LAMB1: variants seen among roughly 807,000 people sequenced by gnomAD.
The protein encoded by LAMB1 is laminin subunit beta 1.
Under a neutral mutation model 222.3 loss-of-function variants are expected in LAMB1, and 121 were observed. That is an observed-to-expected ratio of 0.54 (90% CI 0.47 to 0.63). The LOEUF (loss-of-function observed/expected upper bound fraction) is 0.63. Ranked by LOEUF, LAMB1 falls within the 30% of genes least tolerant of loss-of-function variation. The pLI is 0.00. For missense variants in LAMB1, 2,172 were observed against 2,240.8 expected (o/e 0.97, Z 0.62); for synonymous variants, 794 against 807.2 (o/e 0.98, Z 0.28).
At chr7:107,935,346 T>C in intron 27 of LAMB1, 69 bp downstream of exon 27, 1 of 1,434,424 alleles carries the variant, frequency 7.0e-7, no homozygotes, top group South Asian at 1.3e-5. Flanking sequence ...TGTTTTTCTT[T>C]GTTTTTTTTT....
chr7:107,971,457 T>C (rs552071224), intron 13 of LAMB1, among the ~76,000 whole-genome samples: 1 of 152,228 alleles, frequency 6.6e-6, no homozygotes, highest in African/African-American at 2.4e-5. Context: ...GTGCTTCAGT[T>C]GACCCTGCCT....
At chr7:108,002,764 C>T in intron 2 of LAMB1, 85 bp downstream of exon 2, 1 of 1,581,774 alleles carries the variant, frequency 6.3e-7, no homozygotes, top group Non-Finnish European at 8.6e-7. Context: ...CCCCAGGATC[C>T]CACGAAGGTG....
chr7:107,961,213 A>T lies in LAMB1; in HGVS notation c.2102T>A (p.Ile701Asn). The change falls in exon 17 of 34, where the codon ATC (isoleucine) becomes AAC (asparagine). Residue 701 changes from isoleucine to asparagine, a missense_variant. Physicochemically the swap from Ile to Asn is moderately radical, Grantham distance 149. Transcript: ENST00000222399. ...AAGCAATCTCGCACTTACAGAATCG[A>T]TCAGCGTGTAGGGGCTCTCCACGTC... ...DSDVESPYTL[I>N]DSLVLMPYCK... 1 of 1,614,066 alleles carries T rather than the reference A, an allele frequency of 6.2e-7. No homozygotes were observed. Among genetic ancestry groups the T allele is most frequent in the Non-Finnish European group, 8.5e-7 (1 of 1,180,002 alleles).
chr7:107,934,793 T>C (rs2032799028), intron 27 of LAMB1, among the ~76,000 whole-genome samples: 1 of 151,518 alleles, frequency 6.6e-6, no homozygotes, highest in African/African-American at 2.4e-5. Context: ...AAGCTGGGTG[T>C]GGTGGCACAT....
At chr7:107,933,721 A>T (rs1375241525) in intron 27 of LAMB1, among the ~76,000 whole-genome samples, 1 of 152,226 alleles carries the variant, frequency 6.6e-6, no homozygotes, top group Non-Finnish European at 1.5e-5. Context: ...TAAAGAACTT[A>T]CAGAAAGAAT....
rs749097156 is a variant in LAMB1, at chr7:107,951,287, T to C, written c.3330A>G (p.Gly1110=). 2.5e-6 allele frequency: 4 copies of C among 1,613,972 alleles called. No individual in the cohort carries two copies. In the East Asian group the frequency reaches 8.9e-5, roughly 36 times the overall value. Residue 1110 remains glycine (G), a synonymous_variant, in exon 24 of 34, where the codon GGA becomes GGG. Coordinates refer to ENST00000222399, the MANE Select transcript of LAMB1 (RefSeq NM_002291.3). ...TGQCQCMPGF[G]GRTCSECQEL... ...CCTGGCACTCGCTGCAGGTGCGGCC[T>C]CCAAACCCAGGCATGCACTGGCACT...
At position 107,959,766 on chromosome 7, in the gene LAMB1, G is replaced by C. The variant is rs80095409; in HGVS notation, c.2383C>G (p.Arg795Gly). The change falls in exon 19 of 34, where the codon CGG becomes GGG. Residue 795 changes from arginine to glycine, a missense_variant. Transcript: ENST00000222399. ...CAGGTTCTTCCAACCACGTTGGGCC[G>C]GCACTGGCACTGGCCTCCGTTGGGA... ...CDPNGGQCQC[R>G]PNVVGRTCNR... 20,587 of 1,614,002 alleles carry C rather than the reference G, an allele frequency of 0.013. 165 individuals carry two copies. The highest frequency in any genetic ancestry group is 0.014 in the Non-Finnish European group (16,995 of 1,179,980).
chr7:107,992,515 A>C (rs1041498603), intron 5 of LAMB1, among the ~76,000 whole-genome samples: 4 of 152,218 alleles, frequency 2.6e-5, no homozygotes, highest in African/African-American at 4.8e-5. Flanking sequence ...TTTGTAGAGC[A>C]ATTACTATAT....
At chr7:107,965,942 C>CA (rs1163920832) in intron 13 of LAMB1, among the ~76,000 whole-genome samples, 3 of 151,656 alleles carry the variant, frequency 2.0e-5, no homozygotes, top group Non-Finnish European at 2.9e-5. Context: ...ACTGAAAATA[C>CA]AAAAAATTAG....
intron 24 of LAMB1, among the ~76,000 whole-genome samples, chr7:107,941,716 G>A (rs868358893): frequency 8.5e-4 from 128 of 150,158 alleles, no homozygotes; most frequent in African/African-American, 2.9e-3. Context: ...GTACAATGGC[G>A]CGATCTCGGC....
intron 27 of LAMB1, 83 bp from the exon 28 acceptor site, chr7:107,932,460 C>T: frequency 7.3e-7 from 1 of 1,376,920 alleles, no homozygotes. Flanking sequence ...CTGGGTGGCC[C>T]CAGAGAATGT....
intron 31 of LAMB1, among the ~76,000 whole-genome samples, chr7:107,928,351 T>C (rs1249036340): frequency 1.3e-5 from 2 of 152,246 alleles, no homozygotes; most frequent in Non-Finnish European, 2.9e-5. Context: ...CCAAAACTAC[T>C]ATATAGTAAA....
rs57060477 is a variant in LAMB1, at chr7:107,950,923, GGTGTGTGTGTGTGTGTGT to G, written c.3391+285_3391+302del. ...AAAAAGCAGCTCTGTGTGTATTTGT[GGTGTGTGTGTGTGTGTGT>G]GTGTGTGTGTGTGTGTGTGTGCTTA... On this transcript the variant is annotated intron_variant, in intron 24 of 33. Transcript: ENST00000222399. Among the ~76,000 whole-genome samples, 12 of 147,856 alleles carry G rather than the reference GGTGTGTGTGTGTGTGTGT, an allele frequency of 8.1e-5. No homozygotes were observed. The East Asian group carries it at 1.4e-3, about 17-fold the overall frequency.
intron 12 of LAMB1, among the ~76,000 whole-genome samples, chr7:107,973,319 A>G (rs1234053968): frequency 6.6e-6 from 1 of 152,194 alleles, no homozygotes; most frequent in South Asian, 2.1e-4. Context: ...TGCCCTATAG[A>G]TAACCTCCAT....
chr7:107,928,997 A>G lies in LAMB1; in HGVS notation c.4887+67T>C. 2.1e-6 allele frequency: 3 copies of G among 1,452,824 alleles called. No individual in the cohort carries two copies. In the South Asian group the frequency reaches 3.5e-5, roughly 17 times the overall value. 90.0% of individuals were successfully genotyped at this position (1,452,824 alleles called of 1,614,324 possible). ...TAAGAATTTCTGTTCATAGATAACA[A>G]ATGTACTTTTCTGGTAAGTGTATAT... On this transcript the variant is annotated intron_variant, in intron 31 of 33. Coordinates refer to ENST00000222399, the MANE Select transcript of LAMB1 (RefSeq NM_002291.3).
intron 29 of LAMB1, chr7:107,930,099 C>A: frequency 6.3e-6 from 1 of 157,924 alleles, no homozygotes; most frequent in Non-Finnish European, 1.4e-5. Flanking sequence ...CTTGTGAATG[C>A]AGATATGGAG....
chr7:107,990,279 A>AT (rs964526890), intron 5 of LAMB1, among the ~76,000 whole-genome samples: 21 of 152,068 alleles, frequency 1.4e-4, no homozygotes, highest in African/African-American at 3.9e-4. Context: ...AGCTCAAGCG[A>AT]TCCCCCCACC....
At chr7:107,931,254 A>T in intron 29 of LAMB1, 102 bp downstream of exon 29, 103 of 931,184 alleles carry the variant, frequency 1.1e-4, no homozygotes, top group Middle Eastern at 9.6e-4. Flanking sequence ...TCTTATTTGG[A>T]AATGTCACTT....
intron 31 of LAMB1, 43 bp downstream of exon 31, chr7:107,929,021 A>G: frequency 6.3e-7 from 1 of 1,580,492 alleles, no homozygotes; most frequent in Non-Finnish European, 8.7e-7. Context: ...GTAAGTGTAT[A>G]TGTAGGTGTG....
Sources: allele counts gnomAD v4.1 joint callset (sites outside exome capture counted in the v4.1 genomes callset), GRCh38; gene constraint gnomAD v4.1.1; transcripts MANE v1.5; gene names NCBI Gene and HGNC (gene_info 2026-07-23, HGNC 2026-07-21).